ZAR1L: variants seen among roughly 807,000 people sequenced by gnomAD.
ZAR1L encodes the protein zygote arrest 1 like.
Under a neutral mutation model 30.0 loss-of-function variants are expected in ZAR1L, and 16 were observed. That is an observed-to-expected ratio of 0.53 (90% CI 0.36 to 0.81). The LOEUF (loss-of-function observed/expected upper bound fraction) is 0.81, where lower values mean the gene tolerates loss of function less well. ZAR1L is among the 30% of genes least tolerant of loss of function. The pLI is 0.00. For synonymous variants in ZAR1L, 197 were observed against 166.8 expected (o/e 1.18, Z -1.40); for missense variants, 392 against 417.2 (o/e 0.94, Z 0.53).
At chr13:32,312,371 T>C (rs1369303050) in intron 2 of ZAR1L, among the ~76,000 whole-genome samples, 1 of 152,216 alleles carries the variant, frequency 6.6e-6, no homozygotes, top group Admixed American at 6.5e-5. Flanking sequence ...AAAAAGTTAA[T>C]AGAAGTACCA....
At position 32,311,764 on chromosome 13, in the gene ZAR1L, G is replaced by T. The variant is rs1332619114; in HGVS notation, c.162C>A (p.Asn54Lys). Reference sequence around the variant, plus strand: ...AAGGGTCAATGCAGTAGTCAGGGGCGTTCGCGGGCACCAGCAGCCCTGGCC... The same window carrying T: ...AAGGGTCAATGCAGTAGTCAGGGGCTTTCGCGGGCACCAGCAGCCCTGGCC... Reference protein sequence around the residue: ...LARPGLLVPANAPDYCIDPYK... With the variant: ...LARPGLLVPAKAPDYCIDPYK... Residue 54 changes from asparagine (N) to lysine (K), a missense_variant, in exon 3 of 6, where the codon AAC becomes AAA. Asn to Lys is a moderately conservative substitution (Grantham distance 94, BLOSUM62 0). Transcript: ENST00000533490. 4.5e-6 allele frequency: 7 copies of T among 1,551,570 alleles called. No homozygotes were observed. Among genetic ancestry groups the T allele is most frequent in the African/African-American group, 2.7e-5 (2 of 73,062 alleles).
At chr13:32,306,264 GT>G (rs1359210991) in intron 5 of ZAR1L, among the ~76,000 whole-genome samples, 16 of 152,286 alleles carry the variant, frequency 1.1e-4, no homozygotes, top group Non-Finnish European at 2.2e-4. Flanking sequence ...AAGAAATATG[GT>G]GCAAAGGTCT....
chr13:32,304,322 C>T (rs1461820659), intron 5 of ZAR1L, among the ~76,000 whole-genome samples: 1 of 152,170 alleles, frequency 6.6e-6, no homozygotes, highest in African/African-American at 2.4e-5. Flanking sequence ...TAGATTTTTA[C>T]ATTTGTAGCT....
intron 5 of ZAR1L, 27 bp from the exon 6 acceptor site, chr13:32,304,049 C>G (rs186726008): frequency 6.5e-7 from 1 of 1,546,570 alleles, no homozygotes; most frequent in Admixed American, 2.0e-5. Context: ...AGAGTTTGGA[C>G]GCTAAATGAT....
intron 5 of ZAR1L, among the ~76,000 whole-genome samples, chr13:32,305,829 G>A (rs1014441498): frequency 1.3e-5 from 2 of 152,106 alleles, no homozygotes; most frequent in Admixed American, 6.6e-5. Flanking sequence ...TTGATGTCTG[G>A]GACTGTTTAC....
At chr13:32,306,930 CAAAAAAAA>C (rs369500221) in intron 5 of ZAR1L, among the ~76,000 whole-genome samples, 2 of 59,088 alleles carry the variant, frequency 3.4e-5, no homozygotes, top group Non-Finnish European at 5.6e-5. Context: ...GACTCTATCT[CAAAAAAAA>C]AAAAAAAAAA....
At chr13:32,309,917 CCT>C (rs1371129027) in intron 4 of ZAR1L, among the ~76,000 whole-genome samples, 2 of 152,096 alleles carry the variant, frequency 1.3e-5, no homozygotes. Flanking sequence ...GCCTTTTTGC[CCT>C]CTCTCTCCAC....
rs749292585 is a variant in ZAR1L, at chr13:32,303,828, A to G, written c.*51T>C. 7.2e-6 allele frequency: 11 copies of G among 1,524,890 alleles called. No homozygotes were observed. In the East Asian group the frequency reaches 2.7e-4, roughly 38 times the overall value. The allele number at this position is 1,524,890 out of a possible 1,614,324, so 94.5% of individuals were successfully genotyped here. A position where few individuals can be genotyped will look rare whatever the true frequency, so the allele number is the denominator to read the frequency against. On this transcript the variant is annotated 3_prime_UTR_variant, in exon 6 of 6. Transcript: ENST00000533490. ...AAGTTGCAAAAAAGGAAGACAGCACAGTAAGTTACAAGAAGAGCTCAGGGG... is the reference window on the plus strand; with the variant it reads ...AAGTTGCAAAAAAGGAAGACAGCACGGTAAGTTACAAGAAGAGCTCAGGGG...
At position 32,311,694 on chromosome 13, in the gene ZAR1L, T is replaced by C; in HGVS notation, c.232A>G (p.Ser78Gly). 6.4e-7 allele frequency: 1 copy of C among 1,551,686 alleles called. No homozygotes were observed. Residue 78 changes from serine to glycine, a missense_variant, in exon 3 of 6, where the codon AGC becomes GGC. Physicochemically the swap from Ser to Gly is moderately conservative, Grantham distance 56. Coordinates refer to ENST00000533490, the MANE Select transcript of ZAR1L (RefSeq NM_001136571.2). The stretch of plus-strand genomic sequence containing the variant: ...GGCTTGCACAGCCGCGGGCTCAGGC[T>C]GGGGTTCATCTGGGAGAGAATGGCC... The part of the protein sequence containing the change: ...LKAILSQMNP[S>G]LSPRLCKPNT...
Position 32,303,858 on chromosome 13 carries a change from TTACAAGTCACACTG to T in ZAR1L, c.*7_*20del, listed in dbSNP as rs1215746815. The T allele has an allele frequency of 6.5e-6, 10 of 1,549,042 alleles. No individual in the cohort carries two copies. Among genetic ancestry groups the T allele is most frequent in the African/African-American group, 1.4e-5 (1 of 73,074 alleles). ...GTTACAAGAAGAGCTCAGGGGTCCA[TTACAAGTCACACTG>T]TACAAGTCACATCACATATTTAAAG... On this transcript the variant is annotated 3_prime_UTR_variant, in exon 6 of 6. Coordinates refer to ENST00000533490, the MANE Select transcript of ZAR1L (RefSeq NM_001136571.2).
At chr13:32,309,123 T>C (rs1366316521) in intron 4 of ZAR1L, among the ~76,000 whole-genome samples, 1 of 151,970 alleles carries the variant, frequency 6.6e-6, no homozygotes, top group African/African-American at 2.4e-5. Flanking sequence ...CCTGAGTTGC[T>C]GGGATTACAG....
intron 1 of ZAR1L, among the ~76,000 whole-genome samples, chr13:32,314,808 C>A (rs1469782195): frequency 6.6e-6 from 1 of 152,042 alleles, no homozygotes; most frequent in African/African-American, 2.4e-5. Flanking sequence ...GCGGAGATTG[C>A]GCCATTGCAC....
At chr13:32,309,539 C>G (rs1209089317) in intron 4 of ZAR1L, among the ~76,000 whole-genome samples, 4 of 152,196 alleles carry the variant, frequency 2.6e-5, no homozygotes, top group African/African-American at 9.7e-5. Flanking sequence ...CTCTGCCTTG[C>G]TTGGTGAACT....
At position 32,311,805 on chromosome 13, in the gene ZAR1L, G is replaced by A. The variant is rs1219377637; in HGVS notation, c.121C>T (p.Pro41Ser). Residue 41 changes from proline (P) to serine (S), a missense_variant, in exon 3 of 6, where the codon CCC becomes TCC. Transcript: ENST00000533490. ...QPDWRQNMGPPTFLARPGLLV... is the reference protein window; with the variant it reads ...QPDWRQNMGPSTFLARPGLLV... ...AGCCCTGGCCTGGCCAGAAAAGTGGGAGGACCCATATTTTGCCTCCAGTCG... is the reference window on the plus strand; with the variant it reads ...AGCCCTGGCCTGGCCAGAAAAGTGGAAGGACCCATATTTTGCCTCCAGTCG... 2 of 1,551,682 alleles carry A rather than the reference G, an allele frequency of 1.3e-6. No individual in the cohort carries two copies. Among genetic ancestry groups the A allele is most frequent in the South Asian group, 1.2e-5 (1 of 84,066 alleles).
intron 5 of ZAR1L, among the ~76,000 whole-genome samples, chr13:32,306,930 C>CAAAAAAAAAAAAAAAAAA (rs369500221): frequency 1.7e-5 from 1 of 59,088 alleles, no homozygotes; most frequent in Non-Finnish European, 2.8e-5. Context: ...GACTCTATCT[C>CAAAAAAAAAAAAAAAAAA]AAAAAAAAAA....
intron 5 of ZAR1L, among the ~76,000 whole-genome samples, chr13:32,305,419 G>T (rs888113863): frequency 6.6e-6 from 1 of 151,652 alleles, no homozygotes; most frequent in African/African-American, 2.4e-5. Flanking sequence ...GTAGAGATGG[G>T]GTTTCACCAT....
chr13:32,308,257 T>C (rs535346885), intron 5 of ZAR1L, among the ~76,000 whole-genome samples: 1 of 152,346 alleles, frequency 6.6e-6, no homozygotes, highest in East Asian at 1.9e-4. Context: ...AGAGCTCTAA[T>C]ACTATCCATC....
At chr13:32,310,597 G>A (rs2072205366) in intron 4 of ZAR1L, 42 bp downstream of exon 4, 1 of 1,314,852 alleles carries the variant, frequency 7.6e-7, no homozygotes, top group Non-Finnish European at 1.1e-6. Flanking sequence ...TACCATCCGT[G>A]CCCACCCCAT....
intron 4 of ZAR1L, among the ~76,000 whole-genome samples, chr13:32,310,063 G>A (rs2072201762): frequency 6.6e-6 from 1 of 152,252 alleles, no homozygotes; most frequent in Non-Finnish European, 1.5e-5. Flanking sequence ...AGGAAAAGAA[G>A]AGGAAGCCTT....
Sources: gnomAD v4.1 joint callset for allele counts (sites outside exome capture counted in the v4.1 genomes callset) on GRCh38, gnomAD v4.1.1 for gene constraint, MANE v1.5 for transcripts, NCBI Gene and HGNC (gene_info 2026-07-23, HGNC 2026-07-21) for gene names.